Variants in DISP1 observed in about 807,000 individuals in gnomAD.
The protein encoded by DISP1 is protein dispatched homolog 1.
DISP1 carries 30 observed loss-of-function variants against 37.3 expected under a neutral mutation model. The observed-to-expected ratio is 0.80, with a 90% CI of 0.60 to 1.09. DISP1 has a LOEUF of 1.09. Among genes scored for constraint, DISP1 ranks in the 50% least tolerant of loss-of-function variants. DISP1 has a pLI of 0.00. For missense variants in DISP1, 1,598 were observed against 1,879.5 expected (o/e 0.85, Z 2.77); for synonymous variants, 634 against 690.2 (o/e 0.92, Z 1.28).
At position 222,984,435 on chromosome 1, in the gene DISP1, T is replaced by TAGAGAGAGAGAGAG. The variant is rs369654102; in HGVS notation, c.539+1337_539+1350dup. ...AAAAAAAAAAAAATATATATATATATAGAGAGAGAGAGAGAGAGAGAGAGC... is the reference window on the plus strand; with the variant it reads ...AAAAAAAAAAAAATATATATATATATAGAGAGAGAGAGAGAGAGAGAGAGAGAGAGAGAGAGAGC... On this transcript the variant is annotated intron_variant, in intron 4 of 8. Coordinates refer to ENST00000675850, the MANE Select transcript of DISP1 (RefSeq NM_001377229.1). Among the ~76,000 whole-genome samples the TAGAGAGAGAGAGAG allele has an allele frequency of 3.7e-4, 40 of 108,372 alleles. 1 individual carries two copies. Among genetic ancestry groups the TAGAGAGAGAGAGAG allele is most frequent in the African/African-American group, 5.3e-4 (14 of 26,414 alleles). The allele number at this position is 108,372 out of a possible 152,430, so 71.1% of individuals were successfully genotyped here. A position where few individuals can be genotyped will look rare whatever the true frequency, so the allele number is the denominator to read the frequency against.
Position 222,837,391 on chromosome 1 carries a change from G to GT in DISP1, c.-159+22321dup, listed in dbSNP as rs551352875. ...AAACTTCTATCTTCTTTAAGCCCTTGTTTTTTTTGGTATTTCTTTGTTATA... is the reference window on the plus strand; with the variant it reads ...AAACTTCTATCTTCTTTAAGCCCTTGTTTTTTTTTGGTATTTCTTTGTTATA... On this transcript the variant is annotated intron_variant, in intron 1 of 8. Coordinates refer to ENST00000675850, the MANE Select transcript of DISP1 (RefSeq NM_001377229.1). 6.1e-4 allele frequency: 149 copies of GT among 243,742 alleles called. No individual in the cohort carries two copies. In the East Asian group the frequency reaches 8.0e-3, roughly 13 times the overall value. 15.1% of individuals were successfully genotyped at this position (243,742 alleles called of 1,614,324 possible).
intron 3 of DISP1, among the ~76,000 whole-genome samples, chr1:222,949,663 A>G (rs1356105046): frequency 1.3e-5 from 2 of 152,100 alleles, no homozygotes; most frequent in Non-Finnish European, 2.9e-5. Flanking sequence ...GTCTTGCTCC[A>G]TCGCCCAGGC....
intron 1 of DISP1, among the ~76,000 whole-genome samples, chr1:222,891,582 A>G (rs67864344): frequency 0.39 from 59,492 of 151,938 alleles, 11,846 homozygotes; most frequent in South Asian, 0.51. Flanking sequence ...AACAAAAAAA[A>G]CAAAAAAGCA....
intron 3 of DISP1, among the ~76,000 whole-genome samples, chr1:222,947,029 C>T (rs939946375): frequency 6.6e-6 from 1 of 152,154 alleles, no homozygotes; most frequent in African/African-American, 2.4e-5. Context: ...ATATACATAA[C>T]ATAAAACTTA....
At chr1:222,906,509 G>A (rs953370526) in intron 1 of DISP1, among the ~76,000 whole-genome samples, 1 of 152,200 alleles carries the variant, frequency 6.6e-6, no homozygotes, top group African/African-American at 2.4e-5. Flanking sequence ...CAAGATACTG[G>A]TCATAAAGAC....
intron 2 of DISP1, among the ~76,000 whole-genome samples, chr1:222,937,483 G>T (rs188633711): frequency 8.5e-5 from 13 of 152,180 alleles, no homozygotes; most frequent in South Asian, 2.1e-4. Flanking sequence ...ATATACAAGG[G>T]TATTAACACT....
Position 223,005,283 on chromosome 1 carries a change from C to T in DISP1, c.3886C>T (p.His1296Tyr), listed in dbSNP as rs1371698223. The T allele has an allele frequency of 4.3e-6, 7 of 1,613,710 alleles. No homozygotes were observed. The highest frequency in any genetic ancestry group is 1.1e-5 in the South Asian group (1 of 91,092). The change falls in exon 9 of 9, where the codon CAC becomes TAC. Residue 1296 changes from histidine (H) to tyrosine (Y), a missense_variant. Transcript: ENST00000675850. Reference sequence around the variant, plus strand: ...CCAGCAGATGGGGGACTGCTTGTGCCACCAGTGCTCTCCTACCACTAGCAG... The same window carrying T: ...CCAGCAGATGGGGGACTGCTTGTGCTACCAGTGCTCTCCTACCACTAGCAG... Reference protein sequence around the residue: ...SCQQMGDCLCHQCSPTTSSFV... With the variant: ...SCQQMGDCLCYQCSPTTSSFV...
intron 1 of DISP1, among the ~76,000 whole-genome samples, chr1:222,836,760 T>TACAC (rs1318793727): frequency 3.4e-5 from 5 of 148,240 alleles, no homozygotes; most frequent in African/African-American, 1.3e-4. Flanking sequence ...TATATATATA[T>TACAC]ATACACACAC....
At chr1:222,898,280 AT>A (rs930918041) in intron 1 of DISP1, among the ~76,000 whole-genome samples, 8 of 151,802 alleles carry the variant, frequency 5.3e-5, no homozygotes, top group African/African-American at 1.7e-4. Flanking sequence ...GGTAAATAGA[AT>A]TTTTTTTTAA....
At chr1:222,827,631 TTAA>T (rs1412096916) in intron 1 of DISP1, 1 of 152,148 alleles carries the variant, frequency 6.6e-6, no homozygotes, top group African/African-American at 2.4e-5. Context: ...ATTTATATAA[TTAA>T]TAATCATTTT....
At chr1:222,965,449 T>C (rs2102614684) in intron 3 of DISP1, among the ~76,000 whole-genome samples, 1 of 152,310 alleles carries the variant, frequency 6.6e-6, no homozygotes, top group South Asian at 2.1e-4. Context: ...TAACTTCTTC[T>C]GTCACCATTA....
Position 222,912,143 on chromosome 1 carries a change from G to A in DISP1, c.-158-16287G>A, listed in dbSNP as rs1468929593. Among the ~76,000 whole-genome samples, 6 of 152,034 alleles carry A rather than the reference G, an allele frequency of 3.9e-5. No homozygotes were observed. The East Asian group carries it at 1.2e-3, about 29-fold the overall frequency. ...CTTACTAATGTGCTTTAACCAAGTTGCTGTATGTCCAGAATTATAATGAAT... is the reference window on the plus strand; with the variant it reads ...CTTACTAATGTGCTTTAACCAAGTTACTGTATGTCCAGAATTATAATGAAT... On this transcript the variant is annotated intron_variant, in intron 1 of 8. Coordinates refer to ENST00000675850, the MANE Select transcript of DISP1 (RefSeq NM_001377229.1).
chr1:222,883,691 G>A (rs35506390), intron 1 of DISP1, among the ~76,000 whole-genome samples: 17,352 of 152,234 alleles, frequency 0.11, 1,359 homozygotes, highest in Non-Finnish European at 0.16. Context: ...GAGGTGCACA[G>A]GCATAAGCAT....
At chr1:222,915,745 G>C (rs1021195102) in intron 1 of DISP1, among the ~76,000 whole-genome samples, 2 of 152,186 alleles carry the variant, frequency 1.3e-5, no homozygotes, top group African/African-American at 4.8e-5. Flanking sequence ...CTAACAGCAT[G>C]GTGATAAATG....
At chr1:223,000,419 A>G (rs1289870942) in intron 8 of DISP1, among the ~76,000 whole-genome samples, 3 of 152,192 alleles carry the variant, frequency 2.0e-5, no homozygotes, top group Non-Finnish European at 2.9e-5. Flanking sequence ...GTCAAGTATG[A>G]ATTATCCTAG....
chr1:222,965,870 TAAAAA>T (rs1211949808), intron 3 of DISP1, among the ~76,000 whole-genome samples: 3 of 151,374 alleles, frequency 2.0e-5, no homozygotes, highest in Non-Finnish European at 4.4e-5. Context: ...CCTCGTCTCT[TAAAAA>T]AAAATTACCT....
At position 222,816,229 on chromosome 1, in the gene DISP1, A is replaced by G. The variant is rs1052031812; in HGVS notation, c.-159+1151A>G. On this transcript the variant is annotated intron_variant, in intron 1 of 8. Coordinates refer to ENST00000675850, the MANE Select transcript of DISP1 (RefSeq NM_001377229.1). Reference sequence around the variant, plus strand: ...GGTATGTGGGCTCATTATTATTACCAAAGGTAATTATTGATTTAGTTATTA... The same window carrying G: ...GGTATGTGGGCTCATTATTATTACCGAAGGTAATTATTGATTTAGTTATTA... 3.4e-4 allele frequency among the ~76,000 whole-genome samples: 51 copies of G among 152,044 alleles called. 1 individual carries two copies. Among genetic ancestry groups the G allele is most frequent in the African/African-American group, 7.2e-5 (3 of 41,416 alleles).
chr1:222,929,418 A>G (rs61840880), intron 2 of DISP1, among the ~76,000 whole-genome samples: 13,691 of 152,216 alleles, frequency 0.09, 743 homozygotes, highest in Non-Finnish European at 0.12. Context: ...GAGATATTTC[A>G]TGCACATCAC....
chr1:222,901,558 C>T (rs1382877009), intron 1 of DISP1, among the ~76,000 whole-genome samples: 1 of 152,068 alleles, frequency 6.6e-6, no homozygotes, highest in Non-Finnish European at 1.5e-5. Flanking sequence ...GAGTCTCACT[C>T]ACTCTGTCAC....
Sources: gnomAD v4.1 joint callset for allele counts (sites outside exome capture counted in the v4.1 genomes callset) on GRCh38, gnomAD v4.1.1 for gene constraint, MANE v1.5 for transcripts, NCBI Gene and HGNC (gene_info 2026-07-23, HGNC 2026-07-21) for gene names.